CNTNAP5: variants seen among roughly 807,000 people sequenced by gnomAD.
The protein encoded by CNTNAP5 is contactin associated protein family member 5.
Under a neutral mutation model 150.2 loss-of-function variants are expected in CNTNAP5, and 72 were observed. The observed-to-expected ratio is 0.48, with a 90% CI of 0.40 to 0.58. The LOEUF (loss-of-function observed/expected upper bound fraction) is 0.58, where lower values mean the gene tolerates loss of function less well. CNTNAP5 is among the 20% of genes least tolerant of loss of function. CNTNAP5 has a pLI of 0.00. For synonymous variants in CNTNAP5, 672 were observed against 619.8 expected, an observed-to-expected ratio of 1.08 and a Z score of -1.25; for missense variants, 1,636 against 1,626.2, an observed-to-expected ratio of 1.01 and a Z score of -0.10.
intron 13 of CNTNAP5, among the ~76,000 whole-genome samples, chr2:124,701,917 T>C (rs1022567334): frequency 6.6e-6 from 1 of 152,090 alleles, no homozygotes; most frequent in Admixed American, 6.6e-5. Context: ...GGATTTTTTG[T>C]CTTATTTTTT....
intron 3 of CNTNAP5, among the ~76,000 whole-genome samples, chr2:124,342,001 G>T (rs1040797320): frequency 6.6e-6 from 1 of 152,122 alleles, no homozygotes; most frequent in African/African-American, 2.4e-5. Context: ...TACCGGAGGA[G>T]ACCACAAGGA....
At chr2:124,334,778 C>T (rs953564606) in intron 3 of CNTNAP5, among the ~76,000 whole-genome samples, 3 of 151,930 alleles carry the variant, frequency 2.0e-5, no homozygotes, top group African/African-American at 7.3e-5. Context: ...TCAATCTTCC[C>T]ATAAATGCCA....
At chr2:124,657,551 C>T (rs915514306) in intron 13 of CNTNAP5, among the ~76,000 whole-genome samples, 1 of 152,164 alleles carries the variant, frequency 6.6e-6, no homozygotes, top group African/African-American at 2.4e-5. Flanking sequence ...TGCCCCATTT[C>T]CCCACAGCGG....
chr2:124,304,135 T>C (rs144828983), intron 3 of CNTNAP5, among the ~76,000 whole-genome samples: 61 of 152,338 alleles, frequency 4.0e-4, no homozygotes, highest in African/African-American at 1.4e-3. Context: ...TCTAACTGTA[T>C]ATATTGTATA....
intron 13 of CNTNAP5, among the ~76,000 whole-genome samples, chr2:124,689,725 G>A (rs919450493): frequency 6.6e-6 from 1 of 151,992 alleles, no homozygotes; most frequent in Non-Finnish European, 1.5e-5. Flanking sequence ...TATCTCTGCA[G>A]CATAGGTCAA....
intron 12 of CNTNAP5, among the ~76,000 whole-genome samples, chr2:124,640,569 T>G (rs1491003274): frequency 6.6e-6 from 1 of 152,156 alleles, no homozygotes; most frequent in Non-Finnish European, 1.5e-5. Flanking sequence ...CACAGACAGC[T>G]GGGCTGGTAC....
chr2:124,778,949 C>T (rs1235882838), intron 17 of CNTNAP5, among the ~76,000 whole-genome samples: 2 of 152,130 alleles, frequency 1.3e-5, no homozygotes, highest in Non-Finnish European at 1.5e-5. Flanking sequence ...TAAGAAGTGC[C>T]ATGCTCCAAT....
At chr2:124,454,145 C>T (rs1693057919) in intron 6 of CNTNAP5, among the ~76,000 whole-genome samples, 1 of 152,066 alleles carries the variant, frequency 6.6e-6, no homozygotes, top group East Asian at 1.9e-4. Context: ...TATCTGCTGC[C>T]TTCAAGAGAC....
intron 3 of CNTNAP5, among the ~76,000 whole-genome samples, chr2:124,268,038 C>T (rs968453262): frequency 6.6e-6 from 1 of 152,162 alleles, no homozygotes; most frequent in Non-Finnish European, 1.5e-5. Context: ...GCTTTCTGTA[C>T]AAGCGAAGCA....
intron 18 of CNTNAP5, among the ~76,000 whole-genome samples, chr2:124,790,989 A>G (rs965898738): frequency 2.6e-5 from 4 of 152,248 alleles, no homozygotes; most frequent in African/African-American, 9.6e-5. Context: ...TCAGTAAATA[A>G]TGTAAACAAT....
At chr2:124,531,183 A>T (rs982656268) in intron 10 of CNTNAP5, among the ~76,000 whole-genome samples, 2 of 152,022 alleles carry the variant, frequency 1.3e-5, no homozygotes, top group African/African-American at 4.8e-5. Context: ...TGCAACCTGG[A>T]TCCCTCACAT....
intron 5 of CNTNAP5, among the ~76,000 whole-genome samples, chr2:124,436,260 C>T (rs1204888750): frequency 6.6e-6 from 1 of 152,154 alleles, no homozygotes; most frequent in Non-Finnish European, 1.5e-5. Flanking sequence ...TATGGCATTT[C>T]ACATCCAAAA....
chr2:124,779,941 T>A (rs1391294122), intron 17 of CNTNAP5, among the ~76,000 whole-genome samples: 1 of 152,148 alleles, frequency 6.6e-6, no homozygotes, highest in Non-Finnish European at 1.5e-5. Context: ...TGGGAAGACG[T>A]AGTGTCTAAT....
At chr2:124,893,985 A>T (rs564444152) in intron 21 of CNTNAP5, among the ~76,000 whole-genome samples, 1 of 152,176 alleles carries the variant, frequency 6.6e-6, no homozygotes, top group African/African-American at 2.4e-5. Flanking sequence ...CTCATCAAAA[A>T]TGACCACATT....
intron 11 of CNTNAP5, among the ~76,000 whole-genome samples, chr2:124,573,785 G>C (rs1696217025): frequency 6.6e-6 from 1 of 152,128 alleles, no homozygotes; most frequent in Non-Finnish European, 1.5e-5. Flanking sequence ...CAGACAGATG[G>C]AGGTTATCAA....
chr2:124,885,557 A>T (rs1315849301), intron 21 of CNTNAP5, among the ~76,000 whole-genome samples: 1 of 60,546 alleles, frequency 1.7e-5, no homozygotes, highest in Non-Finnish European at 3.7e-5. Context: ...CATCACACAC[A>T]CACACACACA....
At chr2:124,052,991 T>G (rs538484787) in intron 1 of CNTNAP5, among the ~76,000 whole-genome samples, 1 of 152,084 alleles carries the variant, frequency 6.6e-6, no homozygotes, top group East Asian at 1.9e-4. Context: ...CAGAAAGTCT[T>G]CCCTGGCCCT....
chr2:124,735,428 C>CT (rs34024635), intron 13 of CNTNAP5, among the ~76,000 whole-genome samples: 62,279 of 146,886 alleles, frequency 0.42, 14,259 homozygotes, highest in Non-Finnish European at 0.55. Context: ...TTCTACAAGA[C>CT]TTTTTTTTTT....
At chr2:124,893,855 T>G (rs1678250626) in intron 21 of CNTNAP5, among the ~76,000 whole-genome samples, 1 of 152,146 alleles carries the variant, frequency 6.6e-6, no homozygotes, top group Admixed American at 6.6e-5. Flanking sequence ...TAGAGGCCAG[T>G]ATACGACTCA....
Sources: allele counts gnomAD v4.1 joint callset (sites outside exome capture counted in the v4.1 genomes callset), GRCh38; gene constraint gnomAD v4.1.1; transcripts MANE v1.5; gene names NCBI Gene and HGNC (gene_info 2026-07-23, HGNC 2026-07-21).